Variants in MBNL1 observed in about 807,000 individuals in gnomAD.
The protein encoded by MBNL1 is muscleblind like splicing regulator 1, also known as muscleblind-like protein 1.
A neutral mutation model predicts 42.2 loss-of-function variants in MBNL1; 8 were observed. That is an observed-to-expected ratio of 0.19 (90% CI 0.11 to 0.34). The LOEUF (loss-of-function observed/expected upper bound fraction) is 0.34. MBNL1 is among the 10% of genes least tolerant of loss of function. The probability of loss-of-function intolerance (pLI) is 1.00; values close to 1 mark genes in which losing one functional copy is unlikely to be tolerated. For missense variants in MBNL1, 309 were observed against 495.3 expected (o/e 0.62, Z 3.57); for synonymous variants, 169 against 173.9 (o/e 0.97, Z 0.22).
chr3:152,393,371 A>G (rs1308244418), intron 2 of MBNL1, among the ~76,000 whole-genome samples: 1 of 152,234 alleles, frequency 6.6e-6, no homozygotes, highest in Non-Finnish European at 1.5e-5. Context: ...TAGGTATCAG[A>G]TAACTTTTAA....
At chr3:152,461,114 G>GATGGC (rs1745009684) in intron 9 of MBNL1, among the ~76,000 whole-genome samples, 1 of 152,142 alleles carries the variant, frequency 6.6e-6, no homozygotes, top group Non-Finnish European at 1.5e-5. Flanking sequence ...AGGAAACGAT[G>GATGGC]ATGGCTGAGA....
intron 1 of MBNL1, among the ~76,000 whole-genome samples, chr3:152,297,395 G>A (rs908289806): frequency 6.8e-6 from 1 of 147,746 alleles, no homozygotes; most frequent in Non-Finnish European, 1.5e-5. Context: ...CCGGCCTGGA[G>A]TGCAGTGGCG....
chr3:152,252,393 C>A (rs1251238838), intron 2 of MBNL1, among the ~76,000 whole-genome samples: 1 of 151,098 alleles, frequency 6.6e-6, no homozygotes, highest in Non-Finnish European at 1.5e-5. Flanking sequence ...AGGGTTTTTC[C>A]CTTTACATTT....
intron 2 of MBNL1, among the ~76,000 whole-genome samples, chr3:152,251,112 T>C (rs1038185859): frequency 4.6e-5 from 7 of 152,110 alleles, no homozygotes; most frequent in Non-Finnish European, 1.0e-4. Context: ...AATTATCTAC[T>C]TCATAGATTT....
chr3:152,247,921 TG>T (rs1332039107), intron 2 of MBNL1, among the ~76,000 whole-genome samples: 3 of 152,018 alleles, frequency 2.0e-5, no homozygotes, highest in African/African-American at 7.2e-5. Context: ...AGTCTATTGG[TG>T]TTGCTCCATG....
At chr3:152,401,400 A>T (rs371246180) in intron 2 of MBNL1, among the ~76,000 whole-genome samples, 1 of 152,200 alleles carries the variant, frequency 6.6e-6, no homozygotes, top group Non-Finnish European at 1.5e-5. Context: ...AATTTAACCT[A>T]TTAAAATGAT....
At chr3:152,325,971 T>C (rs954973699) in intron 2 of MBNL1, among the ~76,000 whole-genome samples, 3 of 152,156 alleles carry the variant, frequency 2.0e-5, no homozygotes, top group African/African-American at 7.2e-5. Flanking sequence ...TTTGCCCTTT[T>C]TGTTACCTTT....
At chr3:152,358,234 CAT>C (rs2095667695) in intron 2 of MBNL1, among the ~76,000 whole-genome samples, 1 of 152,118 alleles carries the variant, frequency 6.6e-6, no homozygotes, top group Admixed American at 6.6e-5. Context: ...GTTTTGAAGT[CAT>C]ATAAAAGTTT....
chr3:152,356,465 C>T (rs1370571621), intron 2 of MBNL1, among the ~76,000 whole-genome samples: 3 of 152,246 alleles, frequency 2.0e-5, no homozygotes, highest in African/African-American at 7.2e-5. Flanking sequence ...ACAAAGTCCA[C>T]TCTTTAAAAT....
intron 1 of MBNL1, among the ~76,000 whole-genome samples, chr3:152,286,117 T>TC (rs1236691042): frequency 6.6e-6 from 1 of 151,394 alleles, no homozygotes; most frequent in Non-Finnish European, 1.5e-5. Flanking sequence ...TGGTTCTTTT[T>TC]CCCCCATTAA....
intron 2 of MBNL1, among the ~76,000 whole-genome samples, chr3:152,410,997 C>T (rs1274726013): frequency 6.6e-6 from 1 of 152,148 alleles, no homozygotes; most frequent in Non-Finnish European, 1.5e-5. Flanking sequence ...TATTGGCTGC[C>T]TATTACGACA....
upstream of MBNL1, chr3:152,268,617 C>A: frequency 2.5e-6 from 1 of 397,628 alleles, no homozygotes; most frequent in South Asian, 1.8e-5. Context: ...ATGGAAGATA[C>A]CAACGGGAGG....
chr3:152,432,803 G>T lies in MBNL1; in HGVS notation c.432G>T (p.Leu144=), dbSNP rs772933340. The T allele has an allele frequency of 3.1e-6, 5 of 1,614,186 alleles. No individual in the cohort carries two copies. The highest frequency in any genetic ancestry group is 4.2e-6 in the Non-Finnish European group (5 of 1,180,036). ...NPYLGPVSPS[L]VPAEILPTAP... ...ATCTGGGACCTGTTTCTCCAAGCCT[G>T]GTCCCGGCAGAGATCTTGCCGACTG... The change falls in exon 4 of 10, where the codon CTG becomes CTT. Residue 144 remains leucine, a synonymous_variant. Transcript: ENST00000324210.
rs531311197 is a variant in MBNL1 at position 152,440,411 on chromosome 3, A to G, written c.550-4871A>G. 4.6e-5 allele frequency among the ~76,000 whole-genome samples: 7 copies of G among 152,330 alleles called. No homozygotes were observed. The South Asian group carries it at 1.4e-3, about 32-fold the overall frequency. ...CTCACAATCATGGCAGAAGGCGGAA[A>G]GCACGTTTTGCATGGTGGCAGACAA... is the stretch of plus-strand genomic sequence containing the variant. On this transcript the variant is annotated intron_variant, in intron 4 of 9. Transcript: ENST00000324210.
chr3:152,290,326 T>A (rs545417858), intron 1 of MBNL1, among the ~76,000 whole-genome samples: 25 of 152,170 alleles, frequency 1.6e-4, no homozygotes, highest in African/African-American at 6.0e-4. Flanking sequence ...ATATCTGTCA[T>A]TTTTTTCACA....
intron 2 of MBNL1, among the ~76,000 whole-genome samples, chr3:152,332,658 A>G (rs1000083122): frequency 1.3e-5 from 2 of 151,362 alleles, no homozygotes; most frequent in African/African-American, 4.9e-5. Context: ...TGCCTTCACC[A>G]TAAGAGTATT....
At chr3:152,293,737 C>A (rs2057248156) in intron 1 of MBNL1, among the ~76,000 whole-genome samples, 1 of 152,096 alleles carries the variant, frequency 6.6e-6, no homozygotes, top group African/African-American at 2.4e-5. Context: ...TTCAAAATTA[C>A]CAGCTAACTA....
At chr3:152,446,835 A>T in intron 5 of MBNL1, 1 of 1,214,508 alleles carries the variant, frequency 8.2e-7, no homozygotes, top group Non-Finnish European at 1.2e-6. Context: ...TCAACTTTAA[A>T]ATATATATCC....
intron 2 of MBNL1, among the ~76,000 whole-genome samples, chr3:152,381,060 G>A (rs1265906037): frequency 1.3e-5 from 2 of 151,920 alleles, no homozygotes; most frequent in Admixed American, 6.6e-5. Context: ...AATCCAAATG[G>A]CAACAACCAT....
Sources: gnomAD v4.1 joint callset for allele counts (sites outside exome capture counted in the v4.1 genomes callset) on GRCh38, gnomAD v4.1.1 for gene constraint, MANE v1.5 for transcripts, NCBI Gene and HGNC (gene_info 2026-07-23, HGNC 2026-07-21) for gene names.